The following ADAMTS3 variants were observed in gnomAD, a reference collection of about 807,000 sequenced individuals.
ADAMTS3 encodes the protein A disintegrin and metalloproteinase with thrombospondin motifs 3.
Under a neutral mutation model 129.0 loss-of-function variants are expected in ADAMTS3, and 73 were observed. The observed-to-expected ratio is 0.57, with a 90% CI of 0.47 to 0.69. The LOEUF is 0.69. Ranked by LOEUF, ADAMTS3 falls within the 30% of genes least tolerant of loss-of-function variation. ADAMTS3 has a pLI of 0.00. For missense variants in ADAMTS3, 1,457 were observed against 1,514.5 expected (o/e 0.96, Z 0.63); for synonymous variants, 477 against 510.8 (o/e 0.93, Z 0.89).
At chr4:72,508,282 G>C (rs1006992317) in intron 3 of ADAMTS3, among the ~76,000 whole-genome samples, 1 of 152,084 alleles carries the variant, frequency 6.6e-6, no homozygotes, top group Non-Finnish European at 1.5e-5. Flanking sequence ...CATAGCAATA[G>C]TTCTTTAGAG....
chr4:72,333,292 C>T (rs1216127816), intron 5 of ADAMTS3, among the ~76,000 whole-genome samples: 6 of 152,076 alleles, frequency 3.9e-5, no homozygotes. Context: ...CTTAATTCTC[C>T]ATAATCTGTT....
intron 4 of ADAMTS3, among the ~76,000 whole-genome samples, chr4:72,410,985 T>A (rs1722172044): frequency 6.6e-6 from 1 of 152,184 alleles, no homozygotes. Flanking sequence ...TACTTGCCAC[T>A]TCTGCACTAG....
At position 72,548,805 on chromosome 4, in the gene ADAMTS3, A is replaced by G. The variant is rs775390871; in HGVS notation, c.177T>C (p.His59=). The change falls in exon 3 of 22, where the codon CAT becomes CAC. Residue 59 remains histidine (H), a synonymous_variant. Coordinates refer to ENST00000286657, the MANE Select transcript of ADAMTS3 (RefSeq NM_014243.3). ...TCTTTTTGTGACTCGCAGAAAGAGT[A>G]TGGGAGAGATAGCGTCCTTCTAGAT... The part of the protein sequence containing the change: ...STNLEGRYLS[H]TLSASHKKRS... 3 of 1,613,932 alleles carry G rather than the reference A, an allele frequency of 1.9e-6. No individual in the cohort carries two copies. Among genetic ancestry groups the G allele is most frequent in the Non-Finnish European group, 2.5e-6 (3 of 1,179,856 alleles).
At chr4:72,478,396 A>G (rs1445392401) in intron 3 of ADAMTS3, among the ~76,000 whole-genome samples, 25 of 149,748 alleles carry the variant, frequency 1.7e-4, no homozygotes, top group Non-Finnish European at 5.9e-5. Flanking sequence ...ATATATGCAA[A>G]TCAATAAATG....
At chr4:72,326,513 G>A (rs187529240) in intron 5 of ADAMTS3, among the ~76,000 whole-genome samples, 7 of 152,048 alleles carry the variant, frequency 4.6e-5, no homozygotes, top group East Asian at 3.9e-4. Flanking sequence ...GTTTGGCCAC[G>A]GATAAACTGA....
chr4:72,434,519 T>C (rs1722773691), intron 3 of ADAMTS3, among the ~76,000 whole-genome samples: 1 of 151,762 alleles, frequency 6.6e-6, no homozygotes, highest in South Asian at 2.1e-4. Context: ...AGGTTGGGTC[T>C]TGTAGTAGGC....
intron 3 of ADAMTS3, among the ~76,000 whole-genome samples, chr4:72,480,572 C>T (rs1020566241): frequency 5.9e-5 from 9 of 151,854 alleles, no homozygotes; most frequent in East Asian, 3.9e-4. Context: ...GGAGGGATAG[C>T]ATTAGGAGAT....
At chr4:72,356,426 T>C (rs1454965134) in intron 4 of ADAMTS3, among the ~76,000 whole-genome samples, 1 of 151,906 alleles carries the variant, frequency 6.6e-6, no homozygotes, top group Non-Finnish European at 1.5e-5. Context: ...ATTTTTATTA[T>C]TTATGGATTT....
chr4:72,516,618 C>G (rs879777643), intron 3 of ADAMTS3, among the ~76,000 whole-genome samples: 4 of 152,242 alleles, frequency 2.6e-5, no homozygotes, highest in African/African-American at 7.2e-5. Context: ...GGAGTTCACT[C>G]ATGATTTGGC....
intron 3 of ADAMTS3, among the ~76,000 whole-genome samples, chr4:72,529,699 A>C (rs1002339544): frequency 2.5e-5 from 3 of 120,832 alleles, no homozygotes; most frequent in African/African-American, 9.4e-5. Context: ...AATAATATAT[A>C]TTAATATTAA....
At chr4:72,391,218 T>C (rs1182927874) in intron 4 of ADAMTS3, among the ~76,000 whole-genome samples, 1 of 152,148 alleles carries the variant, frequency 6.6e-6, no homozygotes, top group Non-Finnish European at 1.5e-5. Flanking sequence ...TTTGTGTAAT[T>C]TGTGTATATT....
At chr4:72,417,313 T>A (rs983961923) in intron 3 of ADAMTS3, among the ~76,000 whole-genome samples, 1 of 152,186 alleles carries the variant, frequency 6.6e-6, no homozygotes, top group African/African-American at 2.4e-5. Context: ...CAATGCGCAA[T>A]GGCTATTGCA....
chr4:72,537,456 G>A (rs1721210298), intron 3 of ADAMTS3, among the ~76,000 whole-genome samples: 1 of 151,930 alleles, frequency 6.6e-6, no homozygotes, highest in Admixed American at 6.6e-5. Context: ...TGAATACTAG[G>A]ATAGTCAAAA....
chr4:72,302,189 A>T (rs1277795532), intron 17 of ADAMTS3, among the ~76,000 whole-genome samples: 2 of 152,100 alleles, frequency 1.3e-5, no homozygotes, highest in African/African-American at 2.4e-5. Context: ...CAAGAAAAAA[A>T]GAAGCAGGAA....
In ADAMTS3 at chr4:72,429,807, G is replaced by A. The variant is rs565983207; in HGVS notation, c.505-14836C>T. Among the ~76,000 whole-genome samples, 6 of 152,078 alleles carry A rather than the reference G, an allele frequency of 3.9e-5. No homozygotes were observed. The East Asian group carries it at 7.8e-4, about 20-fold the overall frequency. ...AGATCAGTTCAACTATTCCTTCGGC[G>A]CTTGCTATTTTCCTTCTGCAGTTGG... On this transcript the variant is annotated intron_variant, in intron 3 of 21. Coordinates refer to ENST00000286657, the MANE Select transcript of ADAMTS3 (RefSeq NM_014243.3).
At chr4:72,453,059 T>A (rs767825512) in intron 3 of ADAMTS3, among the ~76,000 whole-genome samples, 2 of 151,812 alleles carry the variant, frequency 1.3e-5, no homozygotes, top group African/African-American at 4.8e-5. Flanking sequence ...TGGAGAATCC[T>A]ACTATACTAG....
At chr4:72,348,830 A>G (rs988513625) in intron 4 of ADAMTS3, among the ~76,000 whole-genome samples, 1 of 151,728 alleles carries the variant, frequency 6.6e-6, no homozygotes, top group African/African-American at 2.4e-5. Flanking sequence ...CCAGCAAGGA[A>G]ATGAGGATCT....
At chr4:72,398,947 C>T (rs577561240) in intron 4 of ADAMTS3, among the ~76,000 whole-genome samples, 8 of 152,290 alleles carry the variant, frequency 5.3e-5, no homozygotes, top group African/African-American at 1.9e-4. Flanking sequence ...TTTCAGATTA[C>T]CTTTCTTGTA....
chr4:72,391,320 CAA>C (rs1223703393), intron 4 of ADAMTS3, among the ~76,000 whole-genome samples: 1 of 152,090 alleles, frequency 6.6e-6, no homozygotes, highest in African/African-American at 2.4e-5. Context: ...TGGTATTAGC[CAA>C]CCCAAGCTAC....
Sources: gnomAD v4.1 joint callset for allele counts (sites outside exome capture counted in the v4.1 genomes callset) on GRCh38, gnomAD v4.1.1 for gene constraint, MANE v1.5 for transcripts, NCBI Gene and HGNC (gene_info 2026-07-23, HGNC 2026-07-21) for gene names.